DLG1: variants seen among roughly 807,000 people sequenced by gnomAD.
DLG1 encodes disks large homolog 1.
DLG1 carries 42 observed loss-of-function variants against 123.4 expected under a neutral mutation model. The observed-to-expected ratio is 0.34, with a 90% CI of 0.27 to 0.44. DLG1 has a LOEUF of 0.44. DLG1 is among the 20% of genes least tolerant of loss of function. DLG1 has a pLI of 1.00. For missense variants in DLG1, 942 were observed against 1,082.6 expected (o/e 0.87, Z 1.82); for synonymous variants, 317 against 356.2 (o/e 0.89, Z 1.24).
intron 24 of DLG1, 116 bp downstream of exon 24, chr3:197,051,461 T>C (rs1727671332): frequency 4.0e-6 from 3 of 751,820 alleles, no homozygotes; most frequent in South Asian, 1.7e-5. Context: ...GGCTGGATGA[T>C]ACTAGTTACT....
At chr3:197,236,791 C>G (rs1746210262) in intron 4 of DLG1, among the ~76,000 whole-genome samples, 2 of 152,204 alleles carry the variant, frequency 1.3e-5, no homozygotes, top group South Asian at 4.1e-4. Context: ...AGCAGATCAA[C>G]AAATGCTAAG....
In DLG1 at chr3:197,043,648, T is replaced by G. The variant is rs1231845168; in HGVS notation, c.*975A>C. On this transcript the variant is annotated 3_prime_UTR_variant, in exon 25 of 25. Coordinates refer to ENST00000667157, the MANE Select transcript of DLG1 (RefSeq NM_001366207.1). The stretch of plus-strand genomic sequence containing the variant: ...TCCCATAGTTACAGTTTAAAGAAAG[T>G]TTTATATATATATTTATATATATTT... 6.6e-6 allele frequency: 1 copy of G among 150,740 alleles called. No individual in the cohort carries two copies. The highest frequency in any genetic ancestry group is 1.5e-5 in the Non-Finnish European group (1 of 67,694). The allele number at this position is 150,740 out of a possible 1,614,324, so 9.3% of individuals were successfully genotyped here.
chr3:197,258,231 A>C (rs953420458), intron 4 of DLG1, among the ~76,000 whole-genome samples: 4 of 152,140 alleles, frequency 2.6e-5, no homozygotes, highest in African/African-American at 9.7e-5. Context: ...TTGGATTTAA[A>C]ACATATTAAT....
At chr3:197,140,387 GAGTA>G in intron 7 of DLG1, 123 bp from the exon 8 acceptor site, 1 of 928,870 alleles carries the variant, frequency 1.1e-6, no homozygotes, top group East Asian at 2.6e-5. Context: ...GTATATGGGT[GAGTA>G]ATATAAAGAT....
intron 5 of DLG1, among the ~76,000 whole-genome samples, chr3:197,176,973 T>C (rs1283090884): frequency 6.6e-6 from 1 of 151,422 alleles, no homozygotes; most frequent in African/African-American, 2.4e-5. Context: ...TTATTTTTTA[T>C]ATTATTTTTT....
chr3:197,184,152 AG>A, intron 5 of DLG1: 1 of 1,046,902 alleles, frequency 9.6e-7, no homozygotes, highest in Non-Finnish European at 1.2e-6. Context: ...ATTGAAATCC[AG>A]GAAGTGAGGT....
At chr3:197,101,680 C>T (rs185453422) in intron 14 of DLG1, among the ~76,000 whole-genome samples, 39 of 152,282 alleles carry the variant, frequency 2.6e-4, no homozygotes, top group African/African-American at 9.1e-4. Context: ...TGAGCCACCG[C>T]GCCTGGCCAA....
intron 4 of DLG1, among the ~76,000 whole-genome samples, chr3:197,251,992 T>C (rs1035369450): frequency 5.9e-5 from 9 of 152,288 alleles, no homozygotes; most frequent in African/African-American, 1.9e-4. Flanking sequence ...GTAAAATATG[T>C]AGGTTCCTGG....
intron 3 of DLG1, among the ~76,000 whole-genome samples, chr3:197,295,441 T>C (rs1776941110): frequency 1.3e-5 from 2 of 151,986 alleles, no homozygotes; most frequent in African/African-American, 2.4e-5. Context: ...ATTAAGTATA[T>C]GTCTTCTTAT....
intron 16 of DLG1, among the ~76,000 whole-genome samples, chr3:197,083,286 A>C (rs992513537): frequency 6.6e-6 from 1 of 152,220 alleles, no homozygotes; most frequent in Non-Finnish European, 1.5e-5. Flanking sequence ...AATAGTTACG[A>C]AATAGGTATA....
chr3:197,045,940 G>A (rs765115605), intron 24 of DLG1, among the ~76,000 whole-genome samples: 18 of 152,198 alleles, frequency 1.2e-4, no homozygotes, highest in Non-Finnish European at 2.5e-4. Context: ...TACCTGAGAT[G>A]ATGTGCATAG....
chr3:197,135,127 C>T (rs979328502), intron 10 of DLG1, among the ~76,000 whole-genome samples: 1 of 152,238 alleles, frequency 6.6e-6, no homozygotes, highest in Non-Finnish European at 1.5e-5. Flanking sequence ...CTCATTTTTA[C>T]TCACTCTAGC....
intron 4 of DLG1, among the ~76,000 whole-genome samples, chr3:197,211,304 C>T (rs1359667979): frequency 6.8e-6 from 1 of 146,326 alleles, no homozygotes; most frequent in African/African-American, 2.4e-5. Context: ...AGGCCAGCAT[C>T]ATCCTGATAC....
intron 4 of DLG1, among the ~76,000 whole-genome samples, chr3:197,195,307 G>T (rs1448334856): frequency 6.7e-6 from 1 of 149,026 alleles, no homozygotes; most frequent in Non-Finnish European, 1.5e-5. Flanking sequence ...AAAAAAAAGC[G>T]AACATAAAGT....
intron 5 of DLG1, among the ~76,000 whole-genome samples, chr3:197,151,848 G>C (rs889471366): frequency 1.3e-5 from 2 of 152,094 alleles, no homozygotes; most frequent in East Asian, 3.9e-4. Context: ...TTCAAAACCA[G>C]TCTGGCCAAC....
At chr3:197,117,652 A>G (rs188039833) in intron 12 of DLG1, among the ~76,000 whole-genome samples, 1 of 152,280 alleles carries the variant, frequency 6.6e-6, no homozygotes, top group Admixed American at 6.5e-5. Flanking sequence ...AGTAGATTAA[A>G]GGTTACCAGG....
intron 4 of DLG1, among the ~76,000 whole-genome samples, chr3:197,268,834 T>C (rs1029064251): frequency 3.3e-5 from 5 of 151,930 alleles, no homozygotes; most frequent in Non-Finnish European, 4.4e-5. Context: ...TAAGCTTTTT[T>C]CTATTTTTTA....
intron 13 of DLG1, among the ~76,000 whole-genome samples, chr3:197,110,011 T>TA (rs1273960992): frequency 1.3e-5 from 2 of 152,210 alleles, no homozygotes; most frequent in African/African-American, 4.8e-5. Context: ...TCACTGAGGT[T>TA]CTTGGATTAA....
intron 23 of DLG1, 53 bp downstream of exon 23, chr3:197,059,836 C>T (rs2148821219): frequency 8.2e-7 from 1 of 1,212,530 alleles, no homozygotes; most frequent in Admixed American, 1.8e-5. Context: ...ATAAATTACC[C>T]TACAGTGACT....
Sources: allele counts gnomAD v4.1 joint callset (sites outside exome capture counted in the v4.1 genomes callset), GRCh38; gene constraint gnomAD v4.1.1; transcripts MANE v1.5; gene names NCBI Gene and HGNC (gene_info 2026-07-23, HGNC 2026-07-21).